The following CDH5 variants were observed in gnomAD, a reference collection of about 807,000 sequenced individuals.
CDH5 encodes the protein cadherin-5.
CDH5 carries 28 observed loss-of-function variants against 62.0 expected under a neutral mutation model. That is an observed-to-expected ratio of 0.45 (90% CI 0.33 to 0.62). The LOEUF (loss-of-function observed/expected upper bound fraction) is 0.62. CDH5 is among the 20% of genes least tolerant of loss of function. The pLI, the probability that CDH5 is intolerant of heterozygous loss-of-function variation, is 0.02. For missense variants in CDH5, 940 were observed against 1,065.1 expected (o/e 0.88, Z 1.63); for synonymous variants, 464 against 445.8 (o/e 1.04, Z -0.52).
chr16:66,369,126 G>T (rs111901028), intron 1 of CDH5, among the ~76,000 whole-genome samples: 27 of 152,160 alleles, frequency 1.8e-4, no homozygotes, highest in Non-Finnish European at 3.8e-4. Context: ...GGATTTCCAG[G>T]TTGTCTGCCT....
intron 1 of CDH5, among the ~76,000 whole-genome samples, chr16:66,371,722 G>A (rs1960694559): frequency 6.6e-6 from 1 of 152,132 alleles, no homozygotes; most frequent in South Asian, 2.1e-4. Context: ...TGGAATCTAA[G>A]GCTTGAGTGG....
intron 1 of CDH5, among the ~76,000 whole-genome samples, chr16:66,376,068 A>T (rs1455577544): frequency 6.6e-6 from 1 of 152,106 alleles, no homozygotes; most frequent in Non-Finnish European, 1.5e-5. Context: ...CTGAGATCAC[A>T]CCGCTGCACT....
chr16:66,402,166 G>A (rs1358518815), intron 11 of CDH5, among the ~76,000 whole-genome samples: 1 of 151,752 alleles, frequency 6.6e-6, no homozygotes, highest in African/African-American at 2.4e-5. Flanking sequence ...TGCCTTCCAG[G>A]GCATCCCAGC....
At chr16:66,374,716 A>T (rs1252966940) in intron 1 of CDH5, among the ~76,000 whole-genome samples, 1 of 150,632 alleles carries the variant, frequency 6.6e-6, no homozygotes, top group Non-Finnish European at 1.5e-5. Context: ...TTTCAAATCA[A>T]GGAAGGAACC....
chr16:66,381,869 G>A (rs1383425386), intron 2 of CDH5, among the ~76,000 whole-genome samples: 5 of 152,260 alleles, frequency 3.3e-5, no homozygotes, highest in African/African-American at 9.6e-5. Context: ...TGGTGACAAA[G>A]ACCAAATGAC....
chr16:66,384,709 T>C (rs1425385624), intron 2 of CDH5, among the ~76,000 whole-genome samples: 1 of 147,338 alleles, frequency 6.8e-6, no homozygotes, highest in African/African-American at 2.5e-5. Flanking sequence ...CTCACACCTG[T>C]AATCACAGCA....
chr16:66,398,406 C>T, intron 9 of CDH5, 50 bp from the exon 10 acceptor site: 1 of 473,218 alleles, frequency 2.1e-6, no homozygotes. Context: ...CTCAGACCAC[C>T]CCACCACCCC....
At position 66,402,850 on chromosome 16, in the gene CDH5, A is replaced by G. The variant is rs1397114882; in HGVS notation, c.2036A>G (p.Asp679Gly). The G allele has an allele frequency of 3.1e-5, 49 of 1,601,952 alleles. No individual in the cohort carries two copies. The highest frequency in any genetic ancestry group is 4.0e-5 in the Non-Finnish European group (47 of 1,175,284). The change falls in exon 12 of 12, where the codon GAC becomes GGC. Residue 679 changes from aspartate (D) to glycine (G), a missense_variant. Asp to Gly is a moderately conservative substitution (Grantham distance 94, BLOSUM62 -1). Transcript: ENST00000341529. ...GCCAAGCCCCCGCGGCCCGCGCTGGACGCCCGGCCTTCCCTCTATGCGCAG... is the reference window on the plus strand; with the variant it reads ...GCCAAGCCCCCGCGGCCCGCGCTGGGCGCCCGGCCTTCCCTCTATGCGCAG... ...GGAKPPRPAL[D>G]ARPSLYAQVQ...
At chr16:66,398,676 G>C (rs1326322306) in intron 10 of CDH5, 115 bp downstream of exon 10, 1 of 629,488 alleles carries the variant, frequency 1.6e-6, no homozygotes, top group Non-Finnish European at 3.0e-6. Context: ...AGGCTGCAGT[G>C]AGCTATGATC....
At chr16:66,379,177 A>C (rs553374837) in intron 1 of CDH5, 142 bp from the exon 2 acceptor site, 9 of 669,576 alleles carry the variant, frequency 1.3e-5, no homozygotes, top group Non-Finnish European at 2.4e-5. Context: ...GAAAGGGGGA[A>C]CAATAATGTT....
intron 1 of CDH5, among the ~76,000 whole-genome samples, chr16:66,368,083 T>C (rs1388560579): frequency 1.3e-5 from 2 of 152,188 alleles, no homozygotes; most frequent in Non-Finnish European, 2.9e-5. Context: ...CTCTGCTCCA[T>C]GTCAGGCTCC....
intron 9 of CDH5, 60 bp downstream of exon 9, chr16:66,398,166 G>C: frequency 6.2e-7 from 1 of 1,600,560 alleles, no homozygotes; most frequent in Non-Finnish European, 8.6e-7. Context: ...CTGGGGGGCA[G>C]AACTGCTCAA....
rs9944322 is a variant in CDH5 at position 66,368,327 on chromosome 16, A to G, written c.-20+1569A>G. On this transcript the variant is annotated intron_variant, in intron 1 of 11. Transcript: ENST00000341529. ...GCAGGTATCCACCAAGGGGCCCAAG[A>G]GCTGCTGAGCCCCTGAGCAGCCCTA... 2.2e-3 allele frequency among the ~76,000 whole-genome samples: 334 copies of G among 152,184 alleles called. 1 individual carries two copies. The highest frequency in any genetic ancestry group is 7.7e-3 in the African/African-American group (318 of 41,540).
intron 7 of CDH5, 159 bp downstream of exon 7, chr16:66,392,542 T>A: frequency 1.0e-6 from 1 of 1,003,536 alleles, no homozygotes; most frequent in East Asian, 2.5e-5. Flanking sequence ...GCTCTTGCAC[T>A]TGGCAGCCTG....
In CDH5 at chr16:66,397,988, C is replaced by G. The variant is rs2142340703; in HGVS notation, c.1367C>G (p.Pro456Arg). 6.2e-7 allele frequency: 1 copy of G among 1,614,166 alleles called. No individual in the cohort carries two copies. Among genetic ancestry groups the G allele is most frequent in the Non-Finnish European group, 8.5e-7 (1 of 1,180,016 alleles). Residue 456 changes from proline (P) to arginine (R), a missense_variant, in exon 9 of 12, where the codon CCC (proline) becomes CGC (arginine). By Grantham distance (103) the Pro-to-Arg change is moderately radical. Transcript: ENST00000341529. ...EAKELDSTGT[P>R]TGKESIVQVH... Reference sequence around the variant, plus strand: ...ACAGTCTTCTCCCCTGCAGGAACCCCCACAGGAAAAGAATCCATTGTGCAA... The same window carrying G: ...ACAGTCTTCTCCCCTGCAGGAACCCGCACAGGAAAAGAATCCATTGTGCAA...
At chr16:66,373,960 T>A (rs537773484) in intron 1 of CDH5, among the ~76,000 whole-genome samples, 1 of 152,232 alleles carries the variant, frequency 6.6e-6, no homozygotes, top group South Asian at 2.1e-4. Context: ...TCATTATTAT[T>A]ACATGTGAAT....
At chr16:66,381,068 T>C (rs966016480) in intron 2 of CDH5, among the ~76,000 whole-genome samples, 1 of 152,130 alleles carries the variant, frequency 6.6e-6, no homozygotes, top group African/African-American at 2.4e-5. Context: ...AATTTTCCCA[T>C]TTGAAAGATC....
At chr16:66,402,602 C>T in intron 11 of CDH5, 50 bp from the exon 12 acceptor site, 1 of 1,470,284 alleles carries the variant, frequency 6.8e-7, no homozygotes, top group Non-Finnish European at 9.0e-7. Context: ...TGGGGGGCCG[C>T]CCAGGCCCCC....
At chr16:66,368,718 C>T (rs537173381) in intron 1 of CDH5, among the ~76,000 whole-genome samples, 20 of 152,294 alleles carry the variant, frequency 1.3e-4, no homozygotes, top group South Asian at 1.0e-3. Flanking sequence ...TGCAGCCAGT[C>T]CAAGGTCACA....
Sources: gnomAD v4.1 joint callset for allele counts (sites outside exome capture counted in the v4.1 genomes callset) on GRCh38, gnomAD v4.1.1 for gene constraint, MANE v1.5 for transcripts, NCBI Gene and HGNC (gene_info 2026-07-23, HGNC 2026-07-21) for gene names.